CADM2: variants seen among roughly 807,000 people sequenced by gnomAD.
CADM2 encodes cell adhesion molecule 2, also known as immunoglobulin superfamily member 4D.
Under a neutral mutation model 49.8 loss-of-function variants are expected in CADM2, and 12 were observed. The observed-to-expected ratio is 0.24, with a 90% CI of 0.15 to 0.39. The LOEUF (loss-of-function observed/expected upper bound fraction) is 0.39, where lower values mean the gene tolerates loss of function less well. CADM2 is among the 10% of genes least tolerant of loss of function. The probability of loss-of-function intolerance (pLI) is 1.00; values close to 1 mark genes in which losing one functional copy is unlikely to be tolerated. For synonymous variants in CADM2, 214 were observed against 175.4 expected (o/e 1.22, Z -1.74); for missense variants, 378 against 492.3 (o/e 0.77, Z 2.20).
intron 5 of CADM2, among the ~76,000 whole-genome samples, chr3:85,906,360 G>A (rs1334154647): frequency 3.3e-5 from 5 of 151,996 alleles, no homozygotes; most frequent in African/African-American, 1.2e-4. Flanking sequence ...ACTTGTCTGG[G>A]TAAACTGAAA....
intron 1 of CADM2, among the ~76,000 whole-genome samples, chr3:85,169,286 G>A (rs988916114): frequency 7.9e-5 from 12 of 152,020 alleles, no homozygotes; most frequent in Admixed American, 3.3e-4. Context: ...GAGCCACTGC[G>A]CCTGACCAAT....
At chr3:85,624,698 TAGA>T (rs903307301) in intron 1 of CADM2, among the ~76,000 whole-genome samples, 3 of 152,180 alleles carry the variant, frequency 2.0e-5, no homozygotes, top group African/African-American at 7.2e-5. Flanking sequence ...TAGGAATTTT[TAGA>T]AGGTGTAGTC....
intron 1 of CADM2, among the ~76,000 whole-genome samples, chr3:85,442,437 A>G (rs1422172048): frequency 6.7e-6 from 1 of 149,560 alleles, no homozygotes; most frequent in African/African-American, 2.4e-5. Context: ...TGATTTGTAT[A>G]TTAACAAGTA....
rs1703346846 is a variant in CADM2 at position 86,072,619 on chromosome 3, A to C, written c.*5836A>C. 2 of 152,036 alleles carry C rather than the reference A, an allele frequency of 1.3e-5. No individual in the cohort carries two copies. The highest frequency in any genetic ancestry group is 1.5e-5 in the Non-Finnish European group (1 of 67,954). 9.4% of individuals were successfully genotyped at this position (152,036 alleles called of 1,614,324 possible). A position where few individuals can be genotyped will look rare whatever the true frequency, so the allele number is the denominator to read the frequency against. On this transcript the variant is annotated 3_prime_UTR_variant, in exon 10 of 10. Coordinates refer to ENST00000383699, the MANE Select transcript of CADM2 (RefSeq NM_001167675.2). ...ATGAAATGCAACATTACGCTTACAA[A>C]CAGTACTGTCAAACCTCAAATGCTT...
intron 1 of CADM2, among the ~76,000 whole-genome samples, chr3:85,366,456 TA>T (rs2032792095): frequency 6.6e-6 from 1 of 152,170 alleles, no homozygotes; most frequent in Non-Finnish European, 1.5e-5. Context: ...TGTTTTATAA[TA>T]AATATGACAA....
chr3:85,212,857 TC>T (rs1438340782), intron 1 of CADM2, among the ~76,000 whole-genome samples: 5 of 127,380 alleles, frequency 3.9e-5, no homozygotes, highest in African/African-American at 1.7e-4. Context: ...TTTCTTTCTT[TC>T]TTTCTTTCTT....
At chr3:85,175,450 CAT>C (rs763624647) in intron 1 of CADM2, among the ~76,000 whole-genome samples, 12 of 152,128 alleles carry the variant, frequency 7.9e-5, no homozygotes, top group Admixed American at 2.6e-4. Flanking sequence ...GAAATTCTGA[CAT>C]GTGCTACAGT....
intron 1 of CADM2, among the ~76,000 whole-genome samples, chr3:85,348,343 G>A (rs922224798): frequency 1.1e-4 from 16 of 152,174 alleles, no homozygotes; most frequent in Admixed American, 6.5e-5. Context: ...CAGTCTAGCA[G>A]CTTAAATGTT....
intron 1 of CADM2, among the ~76,000 whole-genome samples, chr3:85,530,895 CACACACACACACACACACAA>C (rs1350718637): frequency 2.0e-5 from 3 of 150,166 alleles, no homozygotes; most frequent in Admixed American, 2.0e-4. Flanking sequence ...CACACACACA[CACACACACACACACACACAA>C]AATTCATTAT....
intron 1 of CADM2, among the ~76,000 whole-genome samples, chr3:85,643,873 C>T (rs972000286): frequency 1.5e-4 from 23 of 152,104 alleles, no homozygotes; most frequent in Admixed American, 1.1e-3. Flanking sequence ...GCCCTACCCT[C>T]ATTATATTCT....
At chr3:85,367,515 C>T (rs1317936344) in intron 1 of CADM2, among the ~76,000 whole-genome samples, 1 of 151,470 alleles carries the variant, frequency 6.6e-6, no homozygotes, top group East Asian at 2.0e-4. Context: ...TGTGTATTTC[C>T]CATTATATTA....
intron 1 of CADM2, among the ~76,000 whole-genome samples, chr3:85,702,557 G>T (rs774636532): frequency 6.6e-6 from 1 of 152,016 alleles, no homozygotes; most frequent in South Asian, 2.1e-4. Flanking sequence ...AGCAAACTGT[G>T]ATATTCTATC....
chr3:85,219,390 C>A (rs1448385195), intron 1 of CADM2, among the ~76,000 whole-genome samples: 1 of 152,160 alleles, frequency 6.6e-6, no homozygotes, highest in South Asian at 2.1e-4. Context: ...AAAACGTTCA[C>A]TTCAAAACTG....
intron 8 of CADM2, among the ~76,000 whole-genome samples, chr3:85,972,498 A>G (rs1726278395): frequency 6.6e-6 from 1 of 151,770 alleles, no homozygotes; most frequent in African/African-American, 2.4e-5. Context: ...AAGTAAACAT[A>G]TGGATTCCAG....
chr3:85,164,120 A>G (rs995944135), intron 1 of CADM2, among the ~76,000 whole-genome samples: 2 of 152,096 alleles, frequency 1.3e-5, no homozygotes, highest in Non-Finnish European at 2.9e-5. Flanking sequence ...TGTGAAATGA[A>G]GAAGAACAAA....
intron 1 of CADM2, among the ~76,000 whole-genome samples, chr3:85,030,046 T>C (rs2034909677): frequency 6.6e-6 from 1 of 152,210 alleles, no homozygotes; most frequent in Non-Finnish European, 1.5e-5. Flanking sequence ...TCACTTCCTC[T>C]GCTCCAGTCT....
intron 1 of CADM2, among the ~76,000 whole-genome samples, chr3:85,310,125 A>G (rs2044308309): frequency 6.6e-6 from 1 of 152,222 alleles, no homozygotes; most frequent in Non-Finnish European, 1.5e-5. Flanking sequence ...CACATGTGCC[A>G]TTCTAGAAAA....
intron 1 of CADM2, among the ~76,000 whole-genome samples, chr3:85,617,564 T>C (rs2063832675): frequency 6.6e-6 from 1 of 152,146 alleles, no homozygotes; most frequent in Non-Finnish European, 1.5e-5. Flanking sequence ...AGCTTCATTA[T>C]GTAGACATGA....
chr3:85,193,698 A>G (rs930309534), intron 1 of CADM2, among the ~76,000 whole-genome samples: 2 of 152,054 alleles, frequency 1.3e-5, no homozygotes, highest in African/African-American at 2.4e-5. Flanking sequence ...TCTAATTGCT[A>G]TGAAGCTTCT....
Sources: allele counts gnomAD v4.1 joint callset (sites outside exome capture counted in the v4.1 genomes callset), GRCh38; gene constraint gnomAD v4.1.1; transcripts MANE v1.5; gene names NCBI Gene and HGNC (gene_info 2026-07-23, HGNC 2026-07-21).